Variants in RAP1GAP2 observed in about 807,000 individuals in gnomAD.
The protein encoded by RAP1GAP2 is rap1 GTPase-activating protein 2.
In RAP1GAP2, 27 loss-of-function variants were observed where a neutral mutation model predicts 95.0. The observed-to-expected ratio is 0.28, with a 90% confidence interval of 0.21 to 0.39. The LOEUF (loss-of-function observed/expected upper bound fraction) is 0.39. Ranked by LOEUF, RAP1GAP2 falls within the 10% of genes least tolerant of loss-of-function variation. RAP1GAP2 has a pLI of 1.00. For synonymous variants in RAP1GAP2, 373 were observed against 380.9 expected (o/e 0.98, Z 0.24); for missense variants, 771 against 970.0 (o/e 0.79, Z 2.72).
chr17:3,031,076 G>T (rs796525022), intron 23 of RAP1GAP2, 78 bp downstream of exon 23: 1 of 1,418,636 alleles, frequency 7.0e-7, no homozygotes. Context: ...AGAGGAAGAG[G>T]GTTCAGACAT....
intron 3 of RAP1GAP2, among the ~76,000 whole-genome samples, chr17:2,953,613 A>G (rs975499835): frequency 6.6e-6 from 1 of 152,098 alleles, no homozygotes; most frequent in Admixed American, 6.6e-5. Flanking sequence ...TCGGGAGGCC[A>G]AGGTGGGCAG....
chr17:3,011,171 G>A (rs373319586), intron 17 of RAP1GAP2, among the ~76,000 whole-genome samples: 1 of 151,970 alleles, frequency 6.6e-6, no homozygotes, highest in African/African-American at 2.4e-5. Context: ...CAGGTGATCC[G>A]CCCACCTCAG....
chr17:2,848,205 C>T (rs968866383), intron 2 of RAP1GAP2, among the ~76,000 whole-genome samples: 1 of 152,074 alleles, frequency 6.6e-6, no homozygotes, highest in Non-Finnish European at 1.5e-5. Context: ...GGTTTCCTTT[C>T]CTTGGAGCTT....
intron 22 of RAP1GAP2, among the ~76,000 whole-genome samples, chr17:3,030,346 A>G (rs2047253965): frequency 6.6e-6 from 1 of 152,144 alleles, no homozygotes; most frequent in African/African-American, 2.4e-5. Context: ...TTCACAATGT[A>G]ATCGCTGCAG....
At position 2,797,960 on chromosome 17, in the gene RAP1GAP2, T is replaced by G. The variant is rs1046915925; in HGVS notation, c.44+1389T>G. Among the ~76,000 whole-genome samples the G allele has an allele frequency of 1.3e-5, 2 of 152,048 alleles. No individual in the cohort carries two copies. The highest frequency in any genetic ancestry group is 2.9e-5 in the Non-Finnish European group (2 of 68,000). ...AGGCTGGTCGCCAGAAAGCTCCGGG[T>G]GCACAGGTCCCGGTCTCAGCCTAGC... On this transcript the variant is annotated intron_variant, in intron 1 of 24. Transcript: ENST00000254695. The surrounding 1 kb of genome is among the most constrained non-coding windows in gnomAD (Gnocchi z 5.6).
At chr17:2,799,902 G>A (rs1489553456) in intron 1 of RAP1GAP2, among the ~76,000 whole-genome samples, 1 of 152,144 alleles carries the variant, frequency 6.6e-6, no homozygotes, top group African/African-American at 2.4e-5. Flanking sequence ...GGAGGAGCTG[G>A]CTGTGAGGGC....
At chr17:2,843,665 C>T (rs898398470) in intron 2 of RAP1GAP2, among the ~76,000 whole-genome samples, 4 of 143,532 alleles carry the variant, frequency 2.8e-5, no homozygotes, top group Non-Finnish European at 6.1e-5. Flanking sequence ...CAGGGTGGGG[C>T]GGGGTGGGGC....
intron 3 of RAP1GAP2, among the ~76,000 whole-genome samples, chr17:2,956,693 C>T (rs1309745121): frequency 6.6e-6 from 1 of 152,206 alleles, no homozygotes; most frequent in Non-Finnish European, 1.5e-5. Flanking sequence ...GGGGTGGCCT[C>T]TGTGTGTTTT....
At chr17:3,002,938 ACT>A (rs1418029428) in intron 14 of RAP1GAP2, among the ~76,000 whole-genome samples, 2 of 151,444 alleles carry the variant, frequency 1.3e-5, no homozygotes, top group South Asian at 2.1e-4. Context: ...CTTTGGGGAA[ACT>A]CTATTTCAGG....
intron 2 of RAP1GAP2, among the ~76,000 whole-genome samples, chr17:2,821,087 T>A (rs2070283951): frequency 6.6e-6 from 1 of 151,852 alleles, no homozygotes; most frequent in Admixed American, 6.6e-5. Flanking sequence ...AATAAGCGCT[T>A]GGAAACCCTC....
intron 17 of RAP1GAP2, among the ~76,000 whole-genome samples, chr17:3,013,029 C>G (rs928324844): frequency 6.6e-6 from 1 of 152,136 alleles, no homozygotes; most frequent in Non-Finnish European, 1.5e-5. Flanking sequence ...AGCAGAGGAC[C>G]GGGGAGGAGA....
At chr17:2,968,663 TAAAG>T (rs1366972692) in intron 8 of RAP1GAP2, among the ~76,000 whole-genome samples, 1 of 151,964 alleles carries the variant, frequency 6.6e-6, no homozygotes, top group African/African-American at 2.4e-5. Flanking sequence ...AAAGGAATAA[TAAAG>T]AAATATGATA....
At chr17:2,991,824 GT>G (rs1567865920) in intron 12 of RAP1GAP2, among the ~76,000 whole-genome samples, 1 of 152,124 alleles carries the variant, frequency 6.6e-6, no homozygotes, top group African/African-American at 2.4e-5. Flanking sequence ...GAGTGCAGTG[GT>G]GTGATCTCAG....
In RAP1GAP2 at chr17:2,855,742, A is replaced by T. The variant is rs185937032; in HGVS notation, c.81-49542A>T. ...ATTCTCGGGCCTCAGCCTCCGGAGT[A>T]GCTGGGACTACAAGTACCCACCACC... On this transcript the variant is annotated intron_variant, in intron 2 of 24. Transcript: ENST00000254695. This position sits in a 1 kb window ranked among gnomAD's most constrained non-coding sequence, Gnocchi z 4.3. Among the ~76,000 whole-genome samples, 50 of 152,266 alleles carry T rather than the reference A, an allele frequency of 3.3e-4. No individual in the cohort carries two copies. The highest frequency in any genetic ancestry group is 1.1e-3 in the Admixed American group (17 of 15,288).
chr17:2,962,045 G>C (rs907821339), intron 4 of RAP1GAP2, among the ~76,000 whole-genome samples: 1 of 152,062 alleles, frequency 6.6e-6, no homozygotes, highest in Admixed American at 6.5e-5. Context: ...TGGGATTACA[G>C]GCATGCGCCA....
At chr17:2,766,905 C>T (rs2068285963) in intron 1 of RAP1GAP2, among the ~76,000 whole-genome samples, 1 of 152,102 alleles carries the variant, frequency 6.6e-6, no homozygotes, top group African/African-American at 2.4e-5. Flanking sequence ...TGCCTCTCCC[C>T]GGGGAGGACT....
rs2072865435 is a variant in RAP1GAP2, at chr17:2,871,989, T to C, written c.81-33295T>C. ...CTGGAATCTCAGCGCTTTTGGAGGC[T>C]GAGGTGGGTGAATCACCTGAGGCCA... is the stretch of plus-strand genomic sequence containing the variant. On this transcript the variant is annotated intron_variant, in intron 2 of 24. Transcript: ENST00000254695. The surrounding 1 kb of genome is among the most constrained non-coding windows in gnomAD (Gnocchi z 5.0). Among the ~76,000 whole-genome samples the C allele has an allele frequency of 1.3e-5, 2 of 152,166 alleles. No individual in the cohort carries two copies. The highest frequency in any genetic ancestry group is 4.2e-4 in the South Asian group (2 of 4,806).
chr17:2,917,548 G>A lies in RAP1GAP2; in HGVS notation c.165+12180G>A, dbSNP rs1297142131. On this transcript the variant is annotated intron_variant, in intron 3 of 24. Transcript: ENST00000254695. ...GGCTCCCAAAGTGCTGGGATTATAA[G>A]TGTGAGCCACCGTGCCCAGCCATTT... 3.3e-5 allele frequency among the ~76,000 whole-genome samples: 5 copies of A among 152,194 alleles called. No individual in the cohort carries two copies. The East Asian group carries it at 5.8e-4, about 18-fold the overall frequency.
At position 3,005,117 on chromosome 17, in the gene RAP1GAP2, C is replaced by G. The variant is rs946038850; in HGVS notation, c.1201-252C>G. Among the ~76,000 whole-genome samples, 2 of 152,180 alleles carry G rather than the reference C, an allele frequency of 1.3e-5. No individual in the cohort carries two copies. Among genetic ancestry groups the G allele is most frequent in the South Asian group, 2.1e-4 (1 of 4,826 alleles). On this transcript the variant is annotated intron_variant, in intron 14 of 24. Transcript: ENST00000254695. This position sits in a 1 kb window ranked among gnomAD's most constrained non-coding sequence, Gnocchi z 5.2. ...TTAAAATTAGGGTCCCAGCCCTGTC[C>G]AGTCATCTTGCCAAACCTGCTTCTG... is the stretch of plus-strand genomic sequence containing the variant.
Sources: allele counts gnomAD v4.1 joint callset (sites outside exome capture counted in the v4.1 genomes callset), GRCh38; gene constraint gnomAD v4.1.1; non-coding constraint Gnocchi (gnomAD v3.1); transcripts MANE v1.5; gene names NCBI Gene and HGNC (gene_info 2026-07-23, HGNC 2026-07-21).